Variants in ERAP1 observed in about 807,000 individuals in gnomAD.
ERAP1 encodes adipocyte-derived leucine aminopeptidase.
A neutral mutation model predicts 103.7 loss-of-function variants in ERAP1; 86 were observed. The ratio of observed to expected loss-of-function variants is 0.83; its 90% CI spans 0.70 to 0.99. The LOEUF (loss-of-function observed/expected upper bound fraction) is 0.99. ERAP1 is among the 50% of genes least tolerant of loss of function. The pLI is 0.00. For synonymous variants in ERAP1, 398 were observed against 402.4 expected, an observed-to-expected ratio of 0.99 and a Z score of 0.13; for missense variants, 1,009 against 1,128.4, an observed-to-expected ratio of 0.89 and a Z score of 1.52.
the ERAP1 span, chr5:96,884,050 CTATCTATCTA>C: frequency 1.8e-6 from 1 of 549,080 alleles, no homozygotes; most frequent in African/African-American, 2.0e-5. Context: ...ATCTATCTAT[CTATCTATCTA>C]TCTATCTATC....
At chr5:96,841,773 T>C in the ERAP1 span, among the ~76,000 whole-genome samples, 4 of 128,280 alleles carry the variant, frequency 3.1e-5, no homozygotes, top group African/African-American at 8.3e-5. Context: ...TTTTGAGCAT[T>C]ACTCATTTTA....
intron 5 of ERAP1, among the ~76,000 whole-genome samples, chr5:96,794,709 T>A (rs943699395): frequency 6.6e-6 from 1 of 152,232 alleles, no homozygotes; most frequent in Non-Finnish European, 1.5e-5. Context: ...TTGAGCATCC[T>A]CTGGGTTCCT....
chr5:96,877,062 C>T, the ERAP1 span, among the ~76,000 whole-genome samples: 1 of 152,196 alleles, frequency 6.6e-6, no homozygotes, highest in South Asian at 2.1e-4. Flanking sequence ...GCAACTTCCA[C>T]CTCCCTGGTT....
the ERAP1 span, among the ~76,000 whole-genome samples, chr5:96,899,014 G>A: frequency 6.6e-6 from 1 of 152,082 alleles, no homozygotes; most frequent in Non-Finnish European, 1.5e-5. Flanking sequence ...GCAGTAGAGG[G>A]TGGGAGTTAA....
At chr5:96,795,240 A>T in intron 4 of ERAP1, 78 bp from the exon 5 acceptor site, 1 of 1,565,374 alleles carries the variant, frequency 6.4e-7, no homozygotes, top group Admixed American at 1.7e-5. Flanking sequence ...GACTGACATT[A>T]ATGTCTTCAT....
chr5:96,889,459 T>G, the ERAP1 span: 1 of 849,978 alleles, frequency 1.2e-6, no homozygotes, highest in East Asian at 2.4e-5. Flanking sequence ...GATTCTTGAG[T>G]GTAGAAAATA....
chr5:96,765,219 A>G, intron 19 of ERAP1: 2 of 1,571,292 alleles, frequency 1.3e-6, no homozygotes, highest in Non-Finnish European at 1.7e-6. Flanking sequence ...TTTACTTTTC[A>G]GCAGAGTGAC....
At chr5:96,928,383 A>C in the ERAP1 span, among the ~76,000 whole-genome samples, 2 of 152,222 alleles carry the variant, frequency 1.3e-5, no homozygotes, top group Non-Finnish European at 2.9e-5. Context: ...TAGTTAAGAT[A>C]AGGTCATACT....
chr5:96,870,808 G>A, the ERAP1 span, among the ~76,000 whole-genome samples: 4 of 152,168 alleles, frequency 2.6e-5, no homozygotes, highest in Non-Finnish European at 5.9e-5. Context: ...GACCAGAGCA[G>A]AGACTTATCT....
At chr5:96,769,432 G>C (rs181021792) in intron 19 of ERAP1, 8 of 149,148 alleles carry the variant, frequency 5.4e-5, no homozygotes, top group Non-Finnish European at 8.9e-5. Context: ...ACAAAAGCCA[G>C]TCCTGATCGA....
At chr5:96,925,215 T>C in the ERAP1 span, among the ~76,000 whole-genome samples, 2 of 152,264 alleles carry the variant, frequency 1.3e-5, no homozygotes, top group Non-Finnish European at 2.9e-5. Context: ...AGCAAATACA[T>C]CTTTAGTGCT....
At chr5:96,808,142 C>T (rs151949), upstream of ERAP1, 70,324 of 473,010 alleles carry the variant, frequency 0.15, 17,055 homozygotes, top group Admixed American at 0.3. Flanking sequence ...GGTTGCGATG[C>T]GGGGGATCAG....
chr5:96,870,536 A>C, the ERAP1 span, among the ~76,000 whole-genome samples: 1 of 152,158 alleles, frequency 6.6e-6, no homozygotes, highest in Admixed American at 6.5e-5. Flanking sequence ...TGAAACTCTC[A>C]TGCAAATCAC....
chr5:96,919,259 A>G, the ERAP1 span: 3 of 152,444 alleles, frequency 2.0e-5, no homozygotes, highest in Admixed American at 2.0e-4. Flanking sequence ...ATGTGCCCCA[A>G]TACAGTACAC....
At chr5:96,875,122 A>C in the ERAP1 span, among the ~76,000 whole-genome samples, 3 of 152,204 alleles carry the variant, frequency 2.0e-5, no homozygotes, top group African/African-American at 7.2e-5. Context: ...TAACTGCAAG[A>C]AGCTGAGCTT....
chr5:96,872,347 A>G, the ERAP1 span, among the ~76,000 whole-genome samples: 1 of 151,944 alleles, frequency 6.6e-6, no homozygotes, highest in African/African-American at 2.4e-5. Context: ...AAAAAAAAAA[A>G]AAAAAGGAAG....
intron 1 of ERAP1, among the ~76,000 whole-genome samples, chr5:96,806,948 C>A (rs1214247597): frequency 7.0e-6 from 1 of 143,774 alleles, no homozygotes; most frequent in African/African-American, 2.6e-5. Flanking sequence ...ACAACTGTGC[C>A]CAATTTTCAA....
At chr5:96,930,117 G>A in the ERAP1 span, among the ~76,000 whole-genome samples, 1 of 152,142 alleles carries the variant, frequency 6.6e-6, no homozygotes. Context: ...CAATATTCAG[G>A]ATTAGCCTTT....
At chr5:96,834,649 C>A in the ERAP1 span, among the ~76,000 whole-genome samples, 1 of 152,100 alleles carries the variant, frequency 6.6e-6, no homozygotes, top group Non-Finnish European at 1.5e-5. Context: ...AAAATAAAAT[C>A]AATCCAAATA....
Sources: allele counts gnomAD v4.1 joint callset (sites outside exome capture counted in the v4.1 genomes callset), GRCh38; gene constraint gnomAD v4.1.1; transcripts MANE v1.5; gene names NCBI Gene and HGNC (gene_info 2026-07-23, HGNC 2026-07-21).